CSMD3: variants seen among roughly 807,000 people sequenced by gnomAD.
CSMD3 encodes CUB and sushi domain-containing protein 3.
In CSMD3, 177 loss-of-function variants were observed where a neutral mutation model predicts 435.2. The ratio of observed to expected loss-of-function variants is 0.41; its 90% CI spans 0.36 to 0.46. The LOEUF is 0.46. CSMD3 is among the 20% of genes least tolerant of loss of function. CSMD3 has a pLI of 0.34. For synonymous variants in CSMD3, 1,656 were observed against 1,520.5 expected (o/e 1.09, Z -2.07); for missense variants, 4,265 against 4,504.6 (o/e 0.95, Z 1.52).
rs529983873 is a variant in CSMD3, at chr8:112,644,425, T to A, written c.3310+684A>T. ...ATTCCTATAGGGATACATGTCATTC[T>A]TTACAGATTCCTTTCAAAACAGTGA... On this transcript the variant is annotated intron_variant, in intron 20 of 70. Transcript: ENST00000297405. 7.2e-5 allele frequency among the ~76,000 whole-genome samples: 11 copies of A among 152,160 alleles called. No individual in the cohort carries two copies. The South Asian group carries it at 2.3e-3, about 32-fold the overall frequency.
intron 2 of CSMD3, among the ~76,000 whole-genome samples, chr8:113,295,828 C>A (rs560771394): frequency 9.6e-4 from 146 of 152,264 alleles, no homozygotes; most frequent in African/African-American, 3.4e-3. Flanking sequence ...AATCATGCTG[C>A]TATAAAGACA....
chr8:112,862,937 G>C (rs1053271298), intron 10 of CSMD3, among the ~76,000 whole-genome samples: 2 of 152,024 alleles, frequency 1.3e-5, no homozygotes, highest in African/African-American at 4.8e-5. Flanking sequence ...ATTCTGTCAG[G>C]AATGTCACTG....
intron 1 of CSMD3, among the ~76,000 whole-genome samples, chr8:113,323,930 T>A (rs1226599533): frequency 6.6e-6 from 1 of 152,216 alleles, no homozygotes; most frequent in African/African-American, 2.4e-5. Context: ...AATACATGAA[T>A]GAATGAATAC....
At chr8:112,946,115 A>G (rs557849732) in intron 9 of CSMD3, among the ~76,000 whole-genome samples, 1 of 151,944 alleles carries the variant, frequency 6.6e-6, no homozygotes, top group South Asian at 2.1e-4. Flanking sequence ...GTTGATTTCC[A>G]ATAAATCATT....
At chr8:112,628,358 T>TTAG (rs201985288) in intron 22 of CSMD3, among the ~76,000 whole-genome samples, 1,722 of 151,806 alleles carry the variant, frequency 0.011, 22 homozygotes, top group Non-Finnish European at 0.018. Context: ...AAGCTTCTTC[T>TTAG]TAGTAGTCTT....
chr8:112,688,026 CT>C (rs1168915156), intron 14 of CSMD3, among the ~76,000 whole-genome samples: 1 of 152,106 alleles, frequency 6.6e-6, no homozygotes, highest in African/African-American at 2.4e-5. Flanking sequence ...AATGCTTTGG[CT>C]TTGCAAACCA....
chr8:112,342,238 A>G (rs1048115631), intron 41 of CSMD3, among the ~76,000 whole-genome samples: 2 of 152,136 alleles, frequency 1.3e-5, no homozygotes, highest in Non-Finnish European at 2.9e-5. Flanking sequence ...AGGCTTTTAT[A>G]TAATAACCTT....
chr8:112,224,629 A>C lies in CSMD3; in HGVS notation c.*142T>G. The C allele has an allele frequency of 1.2e-6, 1 of 833,102 alleles. No homozygotes were observed. The allele number at this position is 833,102 out of a possible 1,614,324, so 51.6% of individuals were successfully genotyped here. A position where few individuals can be genotyped will look rare whatever the true frequency, so the allele number is the denominator to read the frequency against. ...AGAATTATGGTCCAGTTTATGAAAAAACACTCTTCTGTATCATTCCTCAGG... is the reference window on the plus strand; with the variant it reads ...AGAATTATGGTCCAGTTTATGAAAACACACTCTTCTGTATCATTCCTCAGG... On this transcript the variant is annotated 3_prime_UTR_variant, in exon 71 of 71. Coordinates refer to ENST00000297405, the MANE Select transcript of CSMD3 (RefSeq NM_198123.2).
At chr8:113,225,346 C>A (rs1034049632) in intron 3 of CSMD3, among the ~76,000 whole-genome samples, 3 of 151,362 alleles carry the variant, frequency 2.0e-5, no homozygotes, top group Non-Finnish European at 3.0e-5. Context: ...ACTAGTGTTA[C>A]CTTTTAGTTT....
intron 11 of CSMD3, among the ~76,000 whole-genome samples, chr8:112,831,363 G>A (rs546300441): frequency 6.8e-6 from 1 of 146,280 alleles, no homozygotes; most frequent in Non-Finnish European, 1.5e-5. Context: ...ACATGGTCAT[G>A]AGCAGTATTA....
intron 11 of CSMD3, among the ~76,000 whole-genome samples, chr8:112,840,001 T>C (rs2080134527): frequency 6.6e-6 from 1 of 151,742 alleles, no homozygotes; most frequent in African/African-American, 2.4e-5. Context: ...TGTAATTTAT[T>C]TAAACAAGGT....
At chr8:112,964,639 G>T (rs970211213) in intron 7 of CSMD3, among the ~76,000 whole-genome samples, 1 of 151,924 alleles carries the variant, frequency 6.6e-6, no homozygotes, top group Non-Finnish European at 1.5e-5. Flanking sequence ...AAGTTCAGAA[G>T]AGTTGATGAG....
At chr8:112,431,268 AC>A (rs1339067498) in intron 32 of CSMD3, among the ~76,000 whole-genome samples, 1 of 152,174 alleles carries the variant, frequency 6.6e-6, no homozygotes, top group African/African-American at 2.4e-5. Flanking sequence ...TTTTAAGTTT[AC>A]CAAAAATCAA....
intron 32 of CSMD3, among the ~76,000 whole-genome samples, chr8:112,421,629 CATATATGTAATAATATATGT>C: frequency 6.9e-6 from 1 of 145,968 alleles, no homozygotes; most frequent in Middle Eastern, 3.6e-3. Flanking sequence ...CATATGTACA[CATATATGTAATAATATATGT>C]ATATATGTAA....
chr8:112,629,124 T>C (rs1419732185), intron 22 of CSMD3, among the ~76,000 whole-genome samples: 1 of 152,168 alleles, frequency 6.6e-6, no homozygotes, highest in Non-Finnish European at 1.5e-5. Flanking sequence ...GTAATGGGAA[T>C]GGAGCTCAAC....
chr8:112,778,668 TA>T (rs762634589), intron 13 of CSMD3, among the ~76,000 whole-genome samples: 9 of 151,944 alleles, frequency 5.9e-5, no homozygotes, highest in Non-Finnish European at 1.2e-4. Context: ...TGTGTGGACA[TA>T]AGTTTTGAGT....
intron 9 of CSMD3, among the ~76,000 whole-genome samples, chr8:112,935,816 T>C (rs2083264314): frequency 6.6e-6 from 1 of 152,004 alleles, no homozygotes; most frequent in South Asian, 2.1e-4. Context: ...TTTGATATAG[T>C]TTTTAAAATA....
At chr8:113,116,170 T>C (rs947404377) in intron 4 of CSMD3, among the ~76,000 whole-genome samples, 1 of 152,284 alleles carries the variant, frequency 6.6e-6, no homozygotes, top group African/African-American at 2.4e-5. Flanking sequence ...CTGATATGAT[T>C]TGGCTGTGTC....
rs537903955 is a variant in CSMD3 at position 113,217,115 on chromosome 8, T to C, written c.515-43199A>G. 3.1e-4 allele frequency among the ~76,000 whole-genome samples: 47 copies of C among 151,764 alleles called. 1 individual carries two copies. The highest frequency in any genetic ancestry group is 2.8e-3 in the Admixed American group (43 of 15,158). ...AAACTTAAAAGTCAGAACCAAGCCA[T>C]AACATTTCTCTTGGAAATAAAGAGA... On this transcript the variant is annotated intron_variant, in intron 3 of 70. Coordinates refer to ENST00000297405, the MANE Select transcript of CSMD3 (RefSeq NM_198123.2).
Sources: gnomAD v4.1 joint callset for allele counts (sites outside exome capture counted in the v4.1 genomes callset) on GRCh38, gnomAD v4.1.1 for gene constraint, MANE v1.5 for transcripts, NCBI Gene and HGNC (gene_info 2026-07-23, HGNC 2026-07-21) for gene names.